Variants in LRRC4C observed in about 807,000 individuals in gnomAD.
LRRC4C encodes leucine-rich repeat-containing protein 4C.
In LRRC4C, 5 loss-of-function variants were observed where a neutral mutation model predicts 33.6. The ratio of observed to expected loss-of-function variants is 0.15; its 90% CI spans 0.08 to 0.31. LRRC4C has a LOEUF of 0.31. LRRC4C is among the 10% of genes least tolerant of loss of function. LRRC4C has a pLI of 1.00. For missense variants in LRRC4C, 560 were observed against 796.7 expected, an observed-to-expected ratio of 0.70 and a Z score of 3.58; for synonymous variants, 329 against 302.0, an observed-to-expected ratio of 1.09 and a Z score of -0.93.
At chr11:40,316,647 C>G (rs2167664) in intron 4 of LRRC4C, among the ~76,000 whole-genome samples, 149,643 of 152,028 alleles carry the variant, frequency 0.98, 73,724 homozygotes, top group Middle Eastern at 1. Flanking sequence ...TTTCACAAAG[C>G]GTTCTTGGAA....
intron 2 of LRRC4C, among the ~76,000 whole-genome samples, chr11:40,738,855 C>CA (rs1948013258): frequency 6.6e-6 from 1 of 152,064 alleles, no homozygotes; most frequent in African/African-American, 2.4e-5. Context: ...CTGCCCCACC[C>CA]AGTGCAGGAC....
intron 3 of LRRC4C, among the ~76,000 whole-genome samples, chr11:40,434,854 G>A (rs1951082727): frequency 6.6e-6 from 1 of 152,134 alleles, no homozygotes; most frequent in African/African-American, 2.4e-5. Context: ...AGGATTTCAA[G>A]AAGGGAATAT....
chr11:40,231,424 G>A (rs1209200997), intron 5 of LRRC4C, among the ~76,000 whole-genome samples: 1 of 151,594 alleles, frequency 6.6e-6, no homozygotes, highest in Non-Finnish European at 1.5e-5. Flanking sequence ...ATGTATATTT[G>A]TATACACATA....
intron 1 of LRRC4C, among the ~76,000 whole-genome samples, chr11:41,050,398 A>T (rs543330606): frequency 6.6e-6 from 1 of 152,208 alleles, no homozygotes; most frequent in East Asian, 1.9e-4. Flanking sequence ...TCCACGTTTT[A>T]GGTACCTCAT....
chr11:41,004,832 G>A (rs531432916), intron 1 of LRRC4C, among the ~76,000 whole-genome samples: 50 of 152,000 alleles, frequency 3.3e-4, no homozygotes, highest in African/African-American at 7.3e-4. Context: ...TTGAAGCCCC[G>A]GAGGTATACA....
chr11:40,317,625 A>T (rs370808604), intron 4 of LRRC4C, among the ~76,000 whole-genome samples: 2 of 152,182 alleles, frequency 1.3e-5, no homozygotes, highest in South Asian at 4.1e-4. Context: ...GTCTCTCTGC[A>T]TGTCTCTTGG....
chr11:40,821,350 GA>G (rs1374634694), intron 2 of LRRC4C, among the ~76,000 whole-genome samples: 2 of 151,364 alleles, frequency 1.3e-5, no homozygotes, highest in African/African-American at 4.8e-5. Flanking sequence ...CAATTTTGAA[GA>G]AAAATAAATT....
At chr11:41,060,674 A>G (rs1341339657) in intron 1 of LRRC4C, among the ~76,000 whole-genome samples, 1 of 152,192 alleles carries the variant, frequency 6.6e-6, no homozygotes, top group Non-Finnish European at 1.5e-5. Context: ...TAGGGCTTCA[A>G]GATATATATA....
At chr11:40,660,375 C>T (rs895861132) in intron 2 of LRRC4C, among the ~76,000 whole-genome samples, 4 of 152,146 alleles carry the variant, frequency 2.6e-5, no homozygotes, top group African/African-American at 7.2e-5. Context: ...CAGGCCCAAG[C>T]AGAACTCGGG....
intron 1 of LRRC4C, among the ~76,000 whole-genome samples, chr11:41,036,880 C>T (rs1346132352): frequency 1.3e-5 from 2 of 152,250 alleles, no homozygotes; most frequent in African/African-American, 4.8e-5. Context: ...TCATTTGTTG[C>T]TTCAAAGGAA....
chr11:41,344,366 G>A (rs767894212), intron 1 of LRRC4C, among the ~76,000 whole-genome samples: 19 of 151,590 alleles, frequency 1.3e-4, no homozygotes, highest in Non-Finnish European at 2.4e-4. Context: ...GAGTACAGGC[G>A]CCCGCCACCA....
intron 3 of LRRC4C, among the ~76,000 whole-genome samples, chr11:40,417,285 A>G (rs750786256): frequency 6.6e-6 from 1 of 152,058 alleles, no homozygotes; most frequent in Non-Finnish European, 1.5e-5. Flanking sequence ...CTTCTCTTTT[A>G]TATCACAGAG....
At chr11:40,867,400 T>C (rs989451876) in intron 2 of LRRC4C, among the ~76,000 whole-genome samples, 2 of 152,192 alleles carry the variant, frequency 1.3e-5, no homozygotes, top group African/African-American at 4.8e-5. Flanking sequence ...CTTGCAATAA[T>C]ACTGTCTCTG....
intron 2 of LRRC4C, among the ~76,000 whole-genome samples, chr11:40,888,079 CAT>C (rs1245710593): frequency 6.6e-6 from 1 of 151,848 alleles, no homozygotes; most frequent in Non-Finnish European, 1.5e-5. Context: ...TTTAGATCAA[CAT>C]ATGTCTCATT....
intron 1 of LRRC4C, among the ~76,000 whole-genome samples, chr11:41,343,758 G>C (rs1325154527): frequency 1.3e-5 from 2 of 152,008 alleles, no homozygotes; most frequent in African/African-American, 4.8e-5. Context: ...ATGAATTTTG[G>C]TGTTTTTATG....
At chr11:40,324,641 T>G (rs968130087) in intron 3 of LRRC4C, among the ~76,000 whole-genome samples, 1 of 152,182 alleles carries the variant, frequency 6.6e-6, no homozygotes, top group Admixed American at 6.5e-5. Flanking sequence ...TCTCAAGATA[T>G]CTATATTTTC....
intron 3 of LRRC4C, among the ~76,000 whole-genome samples, chr11:40,388,766 A>C (rs1054860302): frequency 6.6e-6 from 1 of 152,174 alleles, no homozygotes; most frequent in Admixed American, 6.6e-5. Flanking sequence ...TAGTGTGCAC[A>C]CTGAATCAAA....
In LRRC4C at chr11:40,874,241, G is replaced by T. The variant is rs11036121; in HGVS notation, c.-407+59394C>A. 3.9e-3 allele frequency among the ~76,000 whole-genome samples: 588 copies of T among 152,288 alleles called. 5 individuals carry two copies. The highest frequency in any genetic ancestry group is 0.014 in the African/African-American group (567 of 41,566). ...CTCAAAAAACAAACCTCATAGCTCA[G>T]AATCAAGATGTATAGGGTTTCTTCT... On this transcript the variant is annotated intron_variant, in intron 2 of 6. Coordinates refer to ENST00000528697, the MANE Select transcript of LRRC4C (RefSeq NM_001258419.2).
intron 1 of LRRC4C, among the ~76,000 whole-genome samples, chr11:41,238,468 G>C (rs1202946456): frequency 6.6e-6 from 1 of 152,168 alleles, no homozygotes; most frequent in Non-Finnish European, 1.5e-5. Flanking sequence ...TGCAGATGAA[G>C]ATACTCAGCT....
Sources: allele counts gnomAD v4.1 joint callset (sites outside exome capture counted in the v4.1 genomes callset), GRCh38; gene constraint gnomAD v4.1.1; transcripts MANE v1.5; gene names NCBI Gene and HGNC (gene_info 2026-07-23, HGNC 2026-07-21).